The following PIWIL4 variants were observed in gnomAD, a reference collection of about 807,000 sequenced individuals.
PIWIL4 encodes piwi like RNA-mediated gene silencing 4.
Under a neutral mutation model 100.9 loss-of-function variants are expected in PIWIL4, and 50 were observed. The ratio of observed to expected loss-of-function variants is 0.50; its 90% confidence interval spans 0.39 to 0.63. PIWIL4 has a LOEUF of 0.63. PIWIL4 is among the 20% of genes least tolerant of loss of function. The pLI, the probability that PIWIL4 is intolerant of heterozygous loss-of-function variation, is 0.00. For synonymous variants in PIWIL4, 342 were observed against 367.5 expected (o/e 0.93, Z 0.79); for missense variants, 887 against 1,043.3 (o/e 0.85, Z 2.06).
chr11:94,586,208 C>T (rs1948396493), intron 6 of PIWIL4, among the ~76,000 whole-genome samples: 1 of 151,772 alleles, frequency 6.6e-6, no homozygotes, highest in South Asian at 2.1e-4. Flanking sequence ...ATAAAGCACC[C>T]AATTCGTCCT....
At chr11:94,608,710 C>T (rs917271916) in intron 15 of PIWIL4, 24 bp downstream of exon 15, 1 of 1,569,604 alleles carries the variant, frequency 6.4e-7, no homozygotes, top group Non-Finnish European at 8.8e-7. Context: ...TACCTGAACA[C>T]ATGCTTCATT....
intron 8 of PIWIL4, among the ~76,000 whole-genome samples, chr11:94,591,114 C>T (rs1403049423): frequency 6.6e-6 from 1 of 152,204 alleles, no homozygotes; most frequent in African/African-American, 2.4e-5. Context: ...ACAGTGGAGA[C>T]CATGCTCCTC....
intron 2 of PIWIL4, among the ~76,000 whole-genome samples, chr11:94,572,781 T>C (rs1340173351): frequency 1.3e-5 from 2 of 152,264 alleles, no homozygotes; most frequent in East Asian, 3.8e-4. Flanking sequence ...CGTTCTTTTT[T>C]GGTTCCATAT....
Position 94,575,044 on chromosome 11 carries a change from A to T in PIWIL4, c.212A>T (p.Glu71Val). ...GGTGATGCTGGAAGTACCTTCATGG[A>T]AAGAGGTGTGAAAAACAAACAGGAC... ...SSGDAGSTFM[E>V]RGVKNKQDFM... The change falls in exon 3 of 20, where the codon GAA becomes GTA. Residue 71 changes from glutamate (E) to valine (V), a missense_variant. By Grantham distance (121) the Glu-to-Val change is moderately radical. Coordinates refer to ENST00000299001, the MANE Select transcript of PIWIL4 (RefSeq NM_152431.3). 6.2e-7 allele frequency: 1 copy of T among 1,613,454 alleles called. No individual in the cohort carries two copies. The highest frequency in any genetic ancestry group is 2.2e-5 in the East Asian group (1 of 44,838).
Position 94,620,873 on chromosome 11 carries a change from C to T in PIWIL4, c.2443-3C>T. The T allele has an allele frequency of 6.2e-6, 10 of 1,606,128 alleles. No individual in the cohort carries two copies. Among genetic ancestry groups the T allele is most frequent in the Non-Finnish European group, 8.5e-6 (10 of 1,174,324 alleles). ...ATTATTATCAATACTTTTTTCTCCT[C>T]AGGGCATAGTCAGTGTCCCAGCACC... On this transcript the variant is annotated splice_region_variant and splice_polypyrimidine_tract_variant and intron_variant, in intron 19 of 19. Coordinates refer to ENST00000299001, the MANE Select transcript of PIWIL4 (RefSeq NM_152431.3).
chr11:94,585,374 A>G, intron 5 of PIWIL4, 71 bp from the exon 6 acceptor site: 1 of 1,045,990 alleles, frequency 9.6e-7, no homozygotes, highest in East Asian at 2.5e-5. Context: ...TATGTTCAGT[A>G]AGGGTTTGAA....
At chr11:94,597,778 A>G (rs772846898) in intron 10 of PIWIL4, 26 bp from the exon 11 acceptor site, 2 of 1,516,688 alleles carry the variant, frequency 1.3e-6, no homozygotes, top group East Asian at 4.5e-5. Flanking sequence ...TCTCTCTTTA[A>G]TGATTTAAAA....
intron 2 of PIWIL4, among the ~76,000 whole-genome samples, chr11:94,574,691 A>G (rs1288014815): frequency 6.6e-6 from 1 of 152,106 alleles, no homozygotes; most frequent in African/African-American, 2.4e-5. Context: ...CACGTTGCCC[A>G]GGCTGGTCTC....
chr11:94,580,305 T>C (rs896383010), intron 4 of PIWIL4, among the ~76,000 whole-genome samples: 3 of 152,222 alleles, frequency 2.0e-5, no homozygotes, highest in African/African-American at 7.2e-5. Context: ...ATTCTGATCT[T>C]GGTATTGACT....
At chr11:94,607,359 C>A (rs1948734383) in intron 13 of PIWIL4, 80 bp from the exon 14 acceptor site, 1 of 1,263,652 alleles carries the variant, frequency 7.9e-7, no homozygotes, top group Non-Finnish European at 1.1e-6. Context: ...GAGAATAATT[C>A]ATGAATTCAT....
chr11:94,618,446 A>G (rs1416157727), intron 17 of PIWIL4, among the ~76,000 whole-genome samples: 1 of 152,232 alleles, frequency 6.6e-6, no homozygotes, highest in Non-Finnish European at 1.5e-5. Context: ...CACATGGAAG[A>G]AAACAAACCG....
chr11:94,593,863 C>A (rs78755758), intron 9 of PIWIL4, among the ~76,000 whole-genome samples: 4,674 of 152,274 alleles, frequency 0.031, 115 homozygotes, highest in Non-Finnish European at 0.045. Flanking sequence ...AATAGACCCC[C>A]TGATATCATC....
At chr11:94,618,408 A>G (rs1196522737) in intron 17 of PIWIL4, among the ~76,000 whole-genome samples, 4 of 152,220 alleles carry the variant, frequency 2.6e-5, no homozygotes, top group Non-Finnish European at 4.4e-5. Context: ...GGCTGCTGGC[A>G]GTGAAAATAC....
At chr11:94,580,030 G>A (rs1948291546) in intron 4 of PIWIL4, among the ~76,000 whole-genome samples, 1 of 152,136 alleles carries the variant, frequency 6.6e-6, no homozygotes, top group South Asian at 2.1e-4. Flanking sequence ...ATATGTTACT[G>A]CTACTCATTT....
At position 94,607,495 on chromosome 11, in the gene PIWIL4, T is replaced by C; in HGVS notation, c.1695T>C (p.Tyr565=). 6.2e-7 allele frequency: 1 copy of C among 1,614,072 alleles called. No homozygotes were observed. The highest frequency in any genetic ancestry group is 8.5e-7 in the Non-Finnish European group (1 of 1,179,980). The part of the protein sequence containing the change: ...QKTYYDSIKK[Y]LSSDCPVPSQ... ...CCTATTATGATTCCATTAAAAAATA[T>C]TTGAGCTCAGACTGCCCAGTCCCAA... Residue 565 remains tyrosine, a synonymous_variant, in exon 14 of 20, where the codon TAT becomes TAC. Coordinates refer to ENST00000299001, the MANE Select transcript of PIWIL4 (RefSeq NM_152431.3).
At chr11:94,608,804 A>G in intron 15 of PIWIL4, 118 bp downstream of exon 15, 1 of 826,786 alleles carries the variant, frequency 1.2e-6, no homozygotes, top group Non-Finnish European at 2.0e-6. Flanking sequence ...AAACACCAAC[A>G]TTTAGGTTCA....
intron 12 of PIWIL4, among the ~76,000 whole-genome samples, chr11:94,602,338 G>T (rs780784516): frequency 6.6e-6 from 1 of 152,024 alleles, no homozygotes; most frequent in South Asian, 2.1e-4. Context: ...AATAGGAAAT[G>T]GATATTAAAA....
At chr11:94,568,254 A>G (rs1458525338) in intron 1 of PIWIL4, among the ~76,000 whole-genome samples, 1 of 152,180 alleles carries the variant, frequency 6.6e-6, no homozygotes, top group East Asian at 1.9e-4. Context: ...TCTTGAACAA[A>G]GAGAAGTAGT....
At chr11:94,620,209 A>G in intron 19 of PIWIL4, 65 bp downstream of exon 19, 1 of 1,470,848 alleles carries the variant, frequency 6.8e-7, no homozygotes. Context: ...GAATTATCAT[A>G]CACGTCATCT....
Sources: allele counts gnomAD v4.1 joint callset (sites outside exome capture counted in the v4.1 genomes callset), GRCh38; gene constraint gnomAD v4.1.1; transcripts MANE v1.5; gene names NCBI Gene and HGNC (gene_info 2026-07-23, HGNC 2026-07-21).